MTBP: variants seen among roughly 807,000 people sequenced by gnomAD.
The protein encoded by MTBP is mdm2-binding protein.
Under a neutral mutation model 117.0 loss-of-function variants are expected in MTBP, and 101 were observed. The observed-to-expected ratio is 0.86, with a 90% confidence interval of 0.73 to 1.02. The LOEUF is 1.02. Ranked by LOEUF, MTBP falls within the 50% of genes least tolerant of loss-of-function variation. The probability of loss-of-function intolerance (pLI) is 0.00; values close to 1 mark genes in which losing one functional copy is unlikely to be tolerated. For synonymous variants in MTBP, 350 were observed against 351.5 expected, an observed-to-expected ratio of 1.00 and a Z score of 0.05; for missense variants, 970 against 1,030.9, an observed-to-expected ratio of 0.94 and a Z score of 0.81.
intron 10 of MTBP, among the ~76,000 whole-genome samples, chr8:120,468,299 T>C (rs372638138): frequency 1.2e-4 from 18 of 152,332 alleles, no homozygotes; most frequent in East Asian, 3.9e-4. Context: ...GTAAAAGTAA[T>C]TATGGTTTCA....
At chr8:120,478,116 A>G (rs1408957550) in intron 11 of MTBP, among the ~76,000 whole-genome samples, 1 of 152,176 alleles carries the variant, frequency 6.6e-6, no homozygotes, top group Admixed American at 6.5e-5. Context: ...ACATGGATGA[A>G]GCTGGAAACC....
At chr8:120,467,000 C>T in intron 10 of MTBP, among the ~76,000 whole-genome samples, 1 of 152,162 alleles carries the variant, frequency 6.6e-6, no homozygotes, top group East Asian at 1.9e-4. Context: ...TGGACAGGCC[C>T]TTTCTCAAGA....
At chr8:120,474,051 G>C (rs1380452865) in intron 11 of MTBP, 1 of 151,820 alleles carries the variant, frequency 6.6e-6, no homozygotes, top group Non-Finnish European at 1.5e-5. Context: ...TTAGGCGTGG[G>C]GGTTTTTTTG....
chr8:120,500,546 G>T (rs1341739963), intron 14 of MTBP, among the ~76,000 whole-genome samples: 2 of 152,110 alleles, frequency 1.3e-5, no homozygotes, highest in African/African-American at 4.8e-5. Context: ...TGAACATTCA[G>T]CAGCATGTTA....
chr8:120,478,352 A>C (rs2130561943), intron 11 of MTBP, among the ~76,000 whole-genome samples: 1 of 152,276 alleles, frequency 6.6e-6, no homozygotes, highest in African/African-American at 2.4e-5. Flanking sequence ...ATGCCTATGT[A>C]ACAAACCTGC....
chr8:120,498,441 G>A (rs968465373), intron 14 of MTBP, among the ~76,000 whole-genome samples: 69 of 152,300 alleles, frequency 4.5e-4, no homozygotes, highest in African/African-American at 1.6e-3. Flanking sequence ...TGTTCAATAA[G>A]TGAGAGACCA....
At chr8:120,454,483 T>G (rs1433503727) in intron 5 of MTBP, among the ~76,000 whole-genome samples, 1 of 152,088 alleles carries the variant, frequency 6.6e-6, no homozygotes, top group Non-Finnish European at 1.5e-5. Flanking sequence ...GTAGCTGTCA[T>G]CTAATATTTG....
intron 11 of MTBP, chr8:120,471,677 A>G (rs555082581): frequency 6.6e-6 from 1 of 152,254 alleles, no homozygotes; most frequent in African/African-American, 2.4e-5. Flanking sequence ...ATATTGATTC[A>G]TTTAATTTTT....
At chr8:120,478,339 T>C (rs367667320) in intron 11 of MTBP, among the ~76,000 whole-genome samples, 2 of 152,124 alleles carry the variant, frequency 1.3e-5, no homozygotes, top group South Asian at 2.1e-4. Flanking sequence ...CCATGGCACA[T>C]GTATGCCTAT....
intron 13 of MTBP, among the ~76,000 whole-genome samples, chr8:120,493,390 C>G (rs1252393323): frequency 6.6e-6 from 1 of 152,132 alleles, no homozygotes. Flanking sequence ...TTCTTACTCT[C>G]TTCTTCAAAT....
chr8:120,459,007 C>T (rs898740159), intron 7 of MTBP, among the ~76,000 whole-genome samples: 6 of 152,012 alleles, frequency 3.9e-5, no homozygotes, highest in Admixed American at 1.3e-4. Context: ...GAAGGACCAA[C>T]GAGAGCTTTT....
Position 120,518,093 on chromosome 8 carries a change from A to G in MTBP, c.2489A>G (p.His830Arg). Reference protein sequence around the residue: ...RQIKESRSQKHTRILKEVVTE... With the variant: ...RQIKESRSQKRTRILKEVVTE... ...ATTAAGGAATCAAGATCACAGAAAC[A>G]CACACGGGTAAAGATTTATTTCCCA... Residue 830 changes from histidine (H) to arginine (R), a missense_variant, in exon 19 of 22, where the codon CAC (histidine) becomes CGC (arginine). Physicochemically the swap from His to Arg is conservative, Grantham distance 29. Transcript: ENST00000305949. The G allele has an allele frequency of 6.2e-7, 1 of 1,611,948 alleles. No individual in the cohort carries two copies. Among genetic ancestry groups the G allele is most frequent in the Non-Finnish European group, 8.5e-7 (1 of 1,178,678 alleles).
intron 1 of MTBP, 129 bp downstream of exon 1, chr8:120,445,717 A>G (rs1563780299): frequency 2.4e-5 from 17 of 694,408 alleles, no homozygotes; most frequent in Non-Finnish European, 3.3e-5. Flanking sequence ...TCTATCTGGG[A>G]TAGAGTTAAT....
At chr8:120,460,236 A>G (rs1813554619) in intron 8 of MTBP, among the ~76,000 whole-genome samples, 1 of 152,184 alleles carries the variant, frequency 6.6e-6, no homozygotes, top group African/African-American at 2.4e-5. Flanking sequence ...TAAAAATTAG[A>G]ATCGTAAGAT....
intron 12 of MTBP, among the ~76,000 whole-genome samples, chr8:120,489,827 C>T (rs1814305539): frequency 1.3e-5 from 2 of 152,290 alleles, no homozygotes; most frequent in South Asian, 4.1e-4. Flanking sequence ...AAAAGGCAGC[C>T]TGACCTGGCT....
At chr8:120,462,056 G>A (rs192894111) in intron 9 of MTBP, among the ~76,000 whole-genome samples, 3 of 152,074 alleles carry the variant, frequency 2.0e-5, no homozygotes, top group African/African-American at 7.2e-5. Context: ...TTTTGGCTTG[G>A]GGGTGTTGAG....
Position 120,517,984 on chromosome 8 carries a change from A to T in MTBP, c.2380A>T (p.Ile794Phe), listed in dbSNP as rs193921136. 1.9e-6 allele frequency: 3 copies of T among 1,612,788 alleles called. No homozygotes were observed. The African/African-American group carries it at 4.0e-5, about 22-fold the overall frequency. Residue 794 changes from isoleucine (I) to phenylalanine (F), a missense_variant, in exon 19 of 22, where the codon ATT becomes TTT. By Grantham distance (21) the Ile-to-Phe change is conservative (BLOSUM62 0). Coordinates refer to ENST00000305949, the MANE Select transcript of MTBP (RefSeq NM_022045.5). ...SLPVTCPLVP[I>F]PSCETPKLAT... ...ACCAGTGACTTGTCCATTGGTTCCA[A>T]TTCCTAGCTGTGAAACTCCAAAACT...
In MTBP at chr8:120,451,025, T is replaced by C. The variant is rs140587550; in HGVS notation, c.222T>C (p.Pro74=). 2.1e-4 allele frequency: 333 copies of C among 1,612,330 alleles called. 1 individual carries two copies. The Middle Eastern group carries it at 2.2e-3, about 10-fold the overall frequency. The change falls in exon 3 of 22, where the codon CCT becomes CCC. Residue 74 remains proline (P), a synonymous_variant. Coordinates refer to ENST00000305949, the MANE Select transcript of MTBP (RefSeq NM_022045.5). ...TFPACSVGGI[P]GSKKWFFAVQ... is the part of the protein sequence containing the mutation. ...AAGCCTGTTCAGTGGGAGGTATACCTGGTTCCAAGAAGTGGTTCTTTGCAG... is the reference window on the plus strand; with the variant it reads ...AAGCCTGTTCAGTGGGAGGTATACCCGGTTCCAAGAAGTGGTTCTTTGCAG...
rs760166611 is a variant in MTBP at position 120,488,295 on chromosome 8, T to C, written c.1302T>C (p.His434=). The C allele has an allele frequency of 6.4e-7, 1 of 1,565,384 alleles. No individual in the cohort carries two copies. The highest frequency in any genetic ancestry group is 2.4e-5 in the East Asian group (1 of 41,962). Residue 434 remains histidine (H), a synonymous_variant, in exon 12 of 22, where the codon CAT becomes CAC. Transcript: ENST00000305949. The part of the protein sequence containing the change: ...INGSFALNLI[H]GKMKTKTEEA... ...GCTCATTTGCACTCAATTTAATTCATGGAAAGATGAAAACAAAGACAGAAG... is the reference window on the plus strand; with the variant it reads ...GCTCATTTGCACTCAATTTAATTCACGGAAAGATGAAAACAAAGACAGAAG...
Sources: allele counts gnomAD v4.1 joint callset (sites outside exome capture counted in the v4.1 genomes callset), GRCh38; gene constraint gnomAD v4.1.1; transcripts MANE v1.5; gene names NCBI Gene and HGNC (gene_info 2026-07-23, HGNC 2026-07-21).